Variants in SH3RF1 observed in about 807,000 individuals in gnomAD.
SH3RF1 encodes SH3 domain containing ring finger 1.
Under a neutral mutation model 74.0 loss-of-function variants are expected in SH3RF1, and 32 were observed. The ratio of observed to expected loss-of-function variants is 0.43; its 90% CI spans 0.33 to 0.58. The LOEUF (loss-of-function observed/expected upper bound fraction) is 0.58. Ranked by LOEUF, SH3RF1 falls within the 20% of genes least tolerant of loss-of-function variation. The pLI is 0.05. For missense variants in SH3RF1, 954 were observed against 1,130.9 expected, an observed-to-expected ratio of 0.84 and a Z score of 2.24; for synonymous variants, 396 against 439.6, an observed-to-expected ratio of 0.90 and a Z score of 1.24.
chr4:169,199,819 T>C (rs1329489317), intron 2 of SH3RF1, among the ~76,000 whole-genome samples: 5 of 152,120 alleles, frequency 3.3e-5, no homozygotes, highest in Non-Finnish European at 7.4e-5. Flanking sequence ...AAGGTGACAG[T>C]AACAACATCA....
intron 2 of SH3RF1, among the ~76,000 whole-genome samples, chr4:169,216,643 C>T (rs193222824): frequency 2.6e-5 from 4 of 152,182 alleles, no homozygotes; most frequent in African/African-American, 7.2e-5. Context: ...TGGTTTGAGA[C>T]CAGCCTAGGT....
At chr4:169,117,879 T>C (rs900438445) in intron 8 of SH3RF1, 97 bp from the exon 9 acceptor site, 13 of 1,368,684 alleles carry the variant, frequency 9.5e-6, no homozygotes, top group Middle Eastern at 1.9e-4. Flanking sequence ...GCTTTAAACA[T>C]AGAACATTTT....
At chr4:169,152,833 C>T (rs1733995996) in intron 4 of SH3RF1, among the ~76,000 whole-genome samples, 1 of 152,184 alleles carries the variant, frequency 6.6e-6, no homozygotes, top group African/African-American at 2.4e-5. Flanking sequence ...AGTCCACAGT[C>T]ACATGATGTT....
At chr4:169,190,110 T>C (rs1044347349) in intron 2 of SH3RF1, among the ~76,000 whole-genome samples, 1 of 152,032 alleles carries the variant, frequency 6.6e-6, no homozygotes, top group Non-Finnish European at 1.5e-5. Context: ...CCTAAACGCC[T>C]ACATCAAAAA....
chr4:169,151,599 A>C (rs1733977811), intron 4 of SH3RF1, among the ~76,000 whole-genome samples: 1 of 151,718 alleles, frequency 6.6e-6, no homozygotes, highest in Non-Finnish European at 1.5e-5. Context: ...AGGAAGTGAC[A>C]GCTGACACGA....
chr4:169,248,259 C>T (rs188145700), intron 2 of SH3RF1, among the ~76,000 whole-genome samples: 1 of 152,170 alleles, frequency 6.6e-6, no homozygotes, highest in Admixed American at 6.6e-5. Context: ...TAATGATAGA[C>T]CGCATAAAGA....
chr4:169,264,524 G>A (rs1348213304), intron 2 of SH3RF1, among the ~76,000 whole-genome samples: 1 of 152,164 alleles, frequency 6.6e-6, no homozygotes, highest in Non-Finnish European at 1.5e-5. Flanking sequence ...ACTGTGCTAT[G>A]GAGAAATGAA....
At chr4:169,149,118 A>G (rs1361346106) in intron 4 of SH3RF1, among the ~76,000 whole-genome samples, 1 of 152,222 alleles carries the variant, frequency 6.6e-6, no homozygotes, top group Non-Finnish European at 1.5e-5. Flanking sequence ...CTCCATAAAC[A>G]TTAACCGATC....
chr4:169,140,647 TTAAAA>T (rs1733769252), intron 4 of SH3RF1, among the ~76,000 whole-genome samples: 1 of 152,220 alleles, frequency 6.6e-6, no homozygotes, highest in East Asian at 1.9e-4. Context: ...TTAAGAAATA[TTAAAA>T]TAAACTTTTT....
intron 2 of SH3RF1, among the ~76,000 whole-genome samples, chr4:169,233,141 CA>C (rs1268780906): frequency 6.6e-6 from 1 of 151,062 alleles, no homozygotes; most frequent in Non-Finnish European, 1.5e-5. Flanking sequence ...TCCAGCTACT[CA>C]GGGGGCTGAG....
chr4:169,196,533 G>A (rs1734815282), intron 2 of SH3RF1, among the ~76,000 whole-genome samples: 1 of 152,172 alleles, frequency 6.6e-6, no homozygotes, highest in Non-Finnish European at 1.5e-5. Context: ...TTCTTCCAGG[G>A]AATTTAAACT....
In SH3RF1 at chr4:169,253,955, T is replaced by C. The variant is rs577631934; in HGVS notation, c.393+14865A>G. Among the ~76,000 whole-genome samples the C allele has an allele frequency of 1.3e-4, 20 of 152,350 alleles. No homozygotes were observed. In the East Asian group the frequency reaches 3.9e-3, roughly 29 times the overall value. The stretch of plus-strand genomic sequence containing the variant: ...TAATAAACTAGGAAAACATGATTTC[T>C]AGACCACCATGGTGGGTGCAACCAA... On this transcript the variant is annotated intron_variant, in intron 2 of 11. Coordinates refer to ENST00000284637, the MANE Select transcript of SH3RF1 (RefSeq NM_020870.4).
intron 4 of SH3RF1, among the ~76,000 whole-genome samples, chr4:169,146,880 G>A (rs906923417): frequency 1.3e-5 from 2 of 152,136 alleles, no homozygotes; most frequent in Non-Finnish European, 2.9e-5. Context: ...AGATATAATA[G>A]ATGTGACCAA....
intron 4 of SH3RF1, among the ~76,000 whole-genome samples, chr4:169,137,777 C>A (rs1003927413): frequency 2.6e-5 from 4 of 152,220 alleles, no homozygotes; most frequent in Admixed American, 6.5e-5. Flanking sequence ...ACAACCGCTT[C>A]CTCACAAAGC....
chr4:169,176,466 G>A (rs748289681), intron 2 of SH3RF1, among the ~76,000 whole-genome samples: 9 of 152,010 alleles, frequency 5.9e-5, no homozygotes, highest in South Asian at 4.2e-4. Flanking sequence ...AATTTTAACC[G>A]AACAAAACAA....
chr4:169,249,790 G>A (rs2110744353), intron 2 of SH3RF1, among the ~76,000 whole-genome samples: 1 of 152,286 alleles, frequency 6.6e-6, no homozygotes, highest in South Asian at 2.1e-4. Flanking sequence ...GCATATGACT[G>A]CAGTCATGTT....
At position 169,261,967 on chromosome 4, in the gene SH3RF1, C is replaced by T. The variant is rs138722799; in HGVS notation, c.393+6853G>A. On this transcript the variant is annotated intron_variant, in intron 2 of 11. Transcript: ENST00000284637. Reference sequence around the variant, plus strand: ...TATTTTTTAAACAGAAAGAAAAATGCTATGAGAAAAATACTATGAAGAAAA... The same window carrying T: ...TATTTTTTAAACAGAAAGAAAAATGTTATGAGAAAAATACTATGAAGAAAA... Among the ~76,000 whole-genome samples the T allele has an allele frequency of 9.4e-3, 1,422 of 151,508 alleles. 11 individuals are homozygous for T. Among genetic ancestry groups the T allele is most frequent in the Non-Finnish European group, 0.014 (939 of 67,860 alleles).
At chr4:169,125,937 T>C (rs1733517006) in intron 6 of SH3RF1, among the ~76,000 whole-genome samples, 1 of 152,236 alleles carries the variant, frequency 6.6e-6, no homozygotes, top group South Asian at 2.1e-4. Context: ...AAATTTTTTG[T>C]TCCACATTTG....
At chr4:169,181,543 G>A (rs1373417197) in intron 2 of SH3RF1, among the ~76,000 whole-genome samples, 2 of 151,140 alleles carry the variant, frequency 1.3e-5, no homozygotes, top group East Asian at 3.9e-4. Flanking sequence ...TTACAGGCGT[G>A]AGCCACCGCG....
Sources: gnomAD v4.1 joint callset for allele counts (sites outside exome capture counted in the v4.1 genomes callset) on GRCh38, gnomAD v4.1.1 for gene constraint, MANE v1.5 for transcripts, NCBI Gene and HGNC (gene_info 2026-07-23, HGNC 2026-07-21) for gene names.